The following SYN1 variants were observed in gnomAD, a reference collection of about 807,000 sequenced individuals.
SYN1 encodes synapsin I, also known as synapsin-1.
SYN1 carries 8 observed loss-of-function variants against 44.6 expected under a neutral mutation model. The observed-to-expected ratio is 0.18, with a 90% CI of 0.11 to 0.32. The LOEUF (loss-of-function observed/expected upper bound fraction) is 0.32. Among genes scored for constraint, SYN1 ranks in the 10% least tolerant of loss-of-function variants. SYN1 has a pLI of 1.00. For synonymous variants in SYN1, 275 were observed against 280.1 expected (o/e 0.98, Z 0.18); for missense variants, 451 against 639.4 (o/e 0.71, Z 3.18).
chrX:47,586,736 G>T, intron 5 of SYN1: 1 of 1,169,215 alleles, frequency 8.6e-7, no homozygotes, highest in Non-Finnish European at 1.1e-6. Flanking sequence ...TGTCCACCCT[G>T]TTCCCACTCC....
chrX:47,613,818 TG>T (rs754273268), intron 1 of SYN1, among the ~76,000 whole-genome samples: 1 of 111,557 alleles, frequency 9.0e-6, no homozygotes, highest in African/African-American at 3.3e-5. Flanking sequence ...AGGTTGAAGG[TG>T]AGATCATGCA....
chrX:47,615,891 CAA>C (rs1211692394), intron 1 of SYN1, among the ~76,000 whole-genome samples: 1 of 89,591 alleles, frequency 1.1e-5, no homozygotes. Flanking sequence ...GACTCCGTCT[CAA>C]AAAAAAAAAA....
chrX:47,575,369 C>T (rs957156820), intron 9 of SYN1, 95 bp from the exon 10 acceptor site: 7 of 1,021,408 alleles, frequency 6.9e-6, no homozygotes, highest in African/African-American at 1.8e-5. Flanking sequence ...GCATGGCCGC[C>T]GCTGAGCCCC....
intron 3 of SYN1, 90 bp from the exon 4 acceptor site, chrX:47,605,469 C>G (rs1413292347): frequency 1.8e-6 from 2 of 1,095,594 alleles, no homozygotes; most frequent in East Asian, 6.4e-5. Flanking sequence ...ATCTCCATAG[C>G]TCCCAGAAAT....
intron 4 of SYN1, 40 bp downstream of exon 4, chrX:47,605,183 A>G: frequency 8.3e-7 from 1 of 1,206,873 alleles, no homozygotes; most frequent in Non-Finnish European, 1.1e-6. Flanking sequence ...TACATGCATG[A>G]GCTGTTCCCT....
At chrX:47,608,938 T>C (rs1371563097) in intron 1 of SYN1, among the ~76,000 whole-genome samples, 2 of 91,298 alleles carry the variant, frequency 2.2e-5, no homozygotes, top group Non-Finnish European at 4.2e-5. Context: ...AAATGGACCC[T>C]GGTGACTTGA....
chrX:47,573,129 C>T (rs1357219586), intron 12 of SYN1, 130 bp from the exon 13 acceptor site: 1 of 870,935 alleles, frequency 1.1e-6, no homozygotes, highest in African/African-American at 2.0e-5. Flanking sequence ...TGCCTGTGAC[C>T]TCCCCACCTG....
At chrX:47,611,295 G>T (rs144542808) in intron 1 of SYN1, among the ~76,000 whole-genome samples, 5 of 111,865 alleles carry the variant, frequency 4.5e-5, no homozygotes, top group African/African-American at 1.6e-4. Flanking sequence ...GGATGCAGGG[G>T]TGTTGGTCTC....
At chrX:47,589,166 C>T (rs916354554) in intron 5 of SYN1, among the ~76,000 whole-genome samples, 8 of 108,396 alleles carry the variant, frequency 7.4e-5, no homozygotes, top group African/African-American at 2.7e-4. Flanking sequence ...TGTGGTGGCG[C>T]ATGCCCTGTG....
intron 1 of SYN1, among the ~76,000 whole-genome samples, chrX:47,612,129 T>C (rs915103078): frequency 1.8e-5 from 2 of 111,105 alleles, no homozygotes; most frequent in Non-Finnish European, 3.8e-5. Flanking sequence ...GAGGTGTCAG[T>C]AGTGGGGAAA....
At chrX:47,619,250 G>A in intron 1 of SYN1, 102 bp downstream of exon 1, 3 of 1,108,963 alleles carry the variant, frequency 2.7e-6, no homozygotes, top group Non-Finnish European at 2.4e-6. Flanking sequence ...TAGGTGAGAG[G>A]GCCAGGTGTC....
At chrX:47,609,298 T>A (rs1277211433) in intron 1 of SYN1, among the ~76,000 whole-genome samples, 2 of 112,065 alleles carry the variant, frequency 1.8e-5, no homozygotes, top group Non-Finnish European at 3.8e-5. Context: ...AACTGCCTTG[T>A]CCAAGGTTAC....
chrX:47,583,659 C>T (rs1042562806), intron 5 of SYN1: 2 of 813,296 alleles, frequency 2.5e-6, no homozygotes, highest in Non-Finnish European at 1.7e-6. Context: ...TCTGCTTTAG[C>T]CACACTGGCA....
At chrX:47,583,791 C>A (rs1447349214) in intron 5 of SYN1, among the ~76,000 whole-genome samples, 1 of 111,946 alleles carries the variant, frequency 8.9e-6, no homozygotes, top group Non-Finnish European at 1.9e-5. Context: ...TCAAACGTCA[C>A]CTTCTCAGGA....
chrX:47,584,348 G>C (rs959918278), intron 5 of SYN1, among the ~76,000 whole-genome samples: 5 of 111,076 alleles, frequency 4.5e-5, no homozygotes, highest in African/African-American at 6.6e-5. Flanking sequence ...ATCAGAGATT[G>C]AGGATGATCA....
Position 47,573,988 on chromosome X carries a change from AGGGGTC to A in SYN1, c.1982+8_1982+13del, listed in dbSNP as rs1428602164. ...TGAGCAGCAAGGCGAAGGCTGCTGT[AGGGGTC>A]CCCTTACTTGAGCTGGGGGTGCGGA... On this transcript the variant is annotated splice_region_variant and intron_variant, in intron 12 of 12. Coordinates refer to ENST00000295987, the MANE Select transcript of SYN1 (RefSeq NM_006950.3). 1.6e-5 allele frequency: 18 copies of A among 1,122,919 alleles called. No homozygotes were observed. The highest frequency in any genetic ancestry group is 1.8e-5 in the Non-Finnish European group (15 of 856,627). 92.5% of individuals were successfully genotyped at this position (1,122,919 alleles called of 1,213,427 possible).
chrX:47,572,885 G>A lies in SYN1; in HGVS notation c.2097C>T (p.Phe699=), dbSNP rs1237320759. The A allele has an allele frequency of 4.1e-6, 5 of 1,211,763 alleles. No homozygotes were observed. The highest frequency in any genetic ancestry group is 3.0e-5 in the East Asian group (1 of 33,838). Residue 699 remains phenylalanine (F), a synonymous_variant, in exon 13 of 13, where the codon TTC becomes TTT. Transcript: ENST00000295987. The part of the protein sequence containing the change: ...AETIRSLRKS[F]ASLFSD Reference sequence around the variant, plus strand: ...GGTATCAGTCGGAGAAGAGGCTGGCGAAAGACTTCCTCAGGCTGCGGATGG... The same window carrying A: ...GGTATCAGTCGGAGAAGAGGCTGGCAAAAGACTTCCTCAGGCTGCGGATGG...
intron 5 of SYN1, among the ~76,000 whole-genome samples, chrX:47,601,013 A>C (rs1284008453): frequency 1.8e-5 from 2 of 111,976 alleles, no homozygotes; most frequent in African/African-American, 6.5e-5. Flanking sequence ...AGTCCAAAGC[A>C]AGCACAAGGA....
intron 1 of SYN1, among the ~76,000 whole-genome samples, chrX:47,615,689 G>A (rs1187587838): frequency 3.6e-5 from 4 of 111,407 alleles, no homozygotes; most frequent in African/African-American, 9.8e-5. Context: ...GGTGGATCAC[G>A]AGGTCAGAAG....
Sources: gnomAD v4.1 joint callset for allele counts (sites outside exome capture counted in the v4.1 genomes callset) on GRCh38, gnomAD v4.1.1 for gene constraint, MANE v1.5 for transcripts, NCBI Gene and HGNC (gene_info 2026-07-23, HGNC 2026-07-21) for gene names.